CELF2: variants seen among roughly 807,000 people sequenced by gnomAD.
CELF2 encodes CUGBP Elav-like family member 2.
In CELF2, 8 loss-of-function variants were observed where a neutral mutation model predicts 62.6. The ratio of observed to expected loss-of-function variants is 0.13; its 90% CI spans 0.07 to 0.23. The LOEUF (loss-of-function observed/expected upper bound fraction) is 0.23. CELF2 is among the 10% of genes least tolerant of loss of function. CELF2 has a pLI of 1.00. For missense variants in CELF2, 333 were observed against 671.0 expected (o/e 0.50, Z 5.56); for synonymous variants, 258 against 250.0 (o/e 1.03, Z -0.30).
rs1437955202 is a variant in CELF2, at chr10:10,936,467, C to T, written c.89+16468C>T. 6.6e-6 allele frequency among the ~76,000 whole-genome samples: 1 copy of T among 152,140 alleles called. No individual in the cohort carries two copies. Among genetic ancestry groups the T allele is most frequent in the Non-Finnish European group, 1.5e-5 (1 of 68,038 alleles). On this transcript the variant is annotated intron_variant, in intron 2 of 13. Coordinates refer to the CELF2 transcript ENST00000636488. This position sits in a 1 kb window ranked among gnomAD's most constrained non-coding sequence, Gnocchi z 4.0. ...TTTCACAGATGAATAGGCTGAAGATCAGACAGTGGAAACTAAGTCCTCATG... is the reference window on the plus strand; with the variant it reads ...TTTCACAGATGAATAGGCTGAAGATTAGACAGTGGAAACTAAGTCCTCATG...
At chr10:11,003,501 C>T (rs1315929337), upstream of CELF2, among the ~76,000 whole-genome samples, 1 of 152,140 alleles carries the variant, frequency 6.6e-6, no homozygotes, top group Non-Finnish European at 1.5e-5. The surrounding 1 kb of genome is among the most constrained non-coding windows in gnomAD (Gnocchi z 4.4). Flanking sequence ...CCAGTTATCC[C>T]ATTTTTAATA....
At chr10:11,073,388 G>A (rs111229058) in intron 1 of CELF2, among the ~76,000 whole-genome samples, 17 of 152,266 alleles carry the variant, frequency 1.1e-4, no homozygotes, top group African/African-American at 1.7e-4. Flanking sequence ...ATATAGACAC[G>A]TTTATTTAAA....
chr10:11,033,335 G>A (rs1025677726), intron 1 of CELF2, among the ~76,000 whole-genome samples: 20 of 149,664 alleles, frequency 1.3e-4, no homozygotes, highest in Non-Finnish European at 3.0e-4. Context: ...TCGGCGCACC[G>A]CAACTTCCAC....
chr10:10,614,762 T>C, the CELF2 span, among the ~76,000 whole-genome samples: 7 of 152,264 alleles, frequency 4.6e-5, no homozygotes, highest in African/African-American at 1.7e-4. Context: ...AAGCCACCGA[T>C]TGGAGGTTGG....
chr10:11,122,807 C>G (rs2058009262), intron 1 of CELF2, among the ~76,000 whole-genome samples: 1 of 152,128 alleles, frequency 6.6e-6, no homozygotes, highest in Admixed American at 6.5e-5. Flanking sequence ...TGGACAGAAA[C>G]CTAGGAAATT....
chr10:10,738,354 G>A, the CELF2 span, among the ~76,000 whole-genome samples: 5 of 152,112 alleles, frequency 3.3e-5, no homozygotes, highest in Admixed American at 2.0e-4. Flanking sequence ...GTACATAGTG[G>A]CTTCCTTCCA....
chr10:11,107,283 G>A (rs546646732), intron 1 of CELF2, among the ~76,000 whole-genome samples: 1 of 152,088 alleles, frequency 6.6e-6, no homozygotes, highest in African/African-American at 2.4e-5. Context: ...CTCCTAGGGG[G>A]GCAGCTCCAG....
rs537164021 is a variant in CELF2, at chr10:11,201,861, G to T, written c.272-15564G>T. The stretch of plus-strand genomic sequence containing the variant: ...TCAGGAACATTTGGGAAATGCTATT[G>T]TAAGAGGTGATTAGATTGTAGAAAG... On this transcript the variant is annotated intron_variant, in intron 2 of 12. Transcript: ENST00000633077. Among the ~76,000 whole-genome samples the T allele has an allele frequency of 5.1e-4, 77 of 152,280 alleles. 1 individual carries two copies. In the Middle Eastern group the frequency reaches 0.01, roughly 20 times the overall value.
chr10:11,062,858 A>G (rs1000808397), intron 1 of CELF2, among the ~76,000 whole-genome samples: 1 of 152,178 alleles, frequency 6.6e-6, no homozygotes, highest in African/African-American at 2.4e-5. Context: ...GGGATGCTTC[A>G]GAAAAATTTT....
At chr10:11,092,279 A>G (rs1437163927) in intron 1 of CELF2, 1 of 152,228 alleles carries the variant, frequency 6.6e-6, no homozygotes, top group Non-Finnish European at 1.5e-5. Context: ...AAGAAATGTA[A>G]TACAACTTTC....
intron 1 of CELF2, among the ~76,000 whole-genome samples, chr10:11,073,660 C>T (rs184331085): frequency 2.5e-4 from 38 of 152,342 alleles, no homozygotes; most frequent in Admixed American, 2.0e-3. Flanking sequence ...CACTGGTTAA[C>T]GGTGACCATG....
chr10:10,882,213 A>G (rs1653445509), intron 1 of CELF2, among the ~76,000 whole-genome samples: 1 of 152,202 alleles, frequency 6.6e-6, no homozygotes, highest in Non-Finnish European at 1.5e-5. Context: ...ACATTCTTAT[A>G]ATCAGTCTTA....
chr10:10,513,852 T>A, the CELF2 span, among the ~76,000 whole-genome samples: 4 of 152,126 alleles, frequency 2.6e-5, no homozygotes, highest in African/African-American at 9.7e-5. Context: ...AAAGTATAGA[T>A]CCCTCTCTAA....
chr10:10,534,242 G>C, the CELF2 span, among the ~76,000 whole-genome samples: 144 of 149,288 alleles, frequency 9.6e-4, no homozygotes, highest in African/African-American at 3.4e-3. Flanking sequence ...AAAAGAAAAA[G>C]AGAGAGACAG....
the CELF2 span, among the ~76,000 whole-genome samples, chr10:10,721,808 A>G: frequency 6.6e-6 from 1 of 152,088 alleles, no homozygotes; most frequent in African/African-American, 2.4e-5. Context: ...GCTCCTTCTG[A>G]TCACTTTACT....
intron 3 of CELF2, among the ~76,000 whole-genome samples, chr10:11,228,993 G>C (rs893280045): frequency 1.3e-5 from 2 of 152,178 alleles, no homozygotes; most frequent in African/African-American, 4.8e-5. Flanking sequence ...CAGGAAAGTA[G>C]GCCGGATGGA....
rs1014207698 is a variant in CELF2, at chr10:11,336,522, T to G, written c.*7469T>G. The G allele has an allele frequency of 6.6e-6, 1 of 152,616 alleles. No homozygotes were observed. The highest frequency in any genetic ancestry group is 2.4e-5 in the African/African-American group (1 of 41,430). 9.5% of individuals were successfully genotyped at this position (152,616 alleles called of 1,614,324 possible). On this transcript the variant is annotated 3_prime_UTR_variant, in exon 13 of 13. Transcript: ENST00000633077. This position sits in a 1 kb window ranked among gnomAD's most constrained non-coding sequence, Gnocchi z 5.4. Reference sequence around the variant, plus strand: ...AAATAAAGCTTAAGAAAGGACTCTGTTGTGTGTAAAGTTAATGTGATTATT... The same window carrying G: ...AAATAAAGCTTAAGAAAGGACTCTGGTGTGTGTAAAGTTAATGTGATTATT...
intron 1 of CELF2, among the ~76,000 whole-genome samples, chr10:10,913,262 T>C (rs1460656363): frequency 6.6e-6 from 1 of 152,098 alleles, no homozygotes; most frequent in Non-Finnish European, 1.5e-5. Context: ...TAGATTTTGT[T>C]TAACAGAGAA....
the CELF2 span, among the ~76,000 whole-genome samples, chr10:10,491,879 G>A: frequency 3.3e-5 from 5 of 152,042 alleles, no homozygotes; most frequent in African/African-American, 7.2e-5. Context: ...CCAAATGATC[G>A]TCTTTTCATA....
Sources: gnomAD v4.1 joint callset for allele counts (sites outside exome capture counted in the v4.1 genomes callset) on GRCh38, gnomAD v4.1.1 for gene constraint, Gnocchi (gnomAD v3.1) non-coding constraint, MANE v1.5 for transcripts, NCBI Gene and HGNC (gene_info 2026-07-23, HGNC 2026-07-21) for gene names.